TENM2: variants seen among roughly 807,000 people sequenced by gnomAD.
The protein encoded by TENM2 is teneurin-2.
In TENM2, 52 loss-of-function variants were observed where a neutral mutation model predicts 245.2. The observed-to-expected ratio is 0.21, with a 90% CI of 0.17 to 0.27. The LOEUF is 0.27. Among genes scored for constraint, TENM2 ranks in the 10% least tolerant of loss-of-function variants. TENM2 has a pLI of 1.00. For synonymous variants in TENM2, 1,363 were observed against 1,438.9 expected (o/e 0.95, Z 1.19); for missense variants, 3,046 against 3,666.8 (o/e 0.83, Z 4.37).
At chr5:168,115,150 CG>C (rs2152325629) in intron 9 of TENM2, among the ~76,000 whole-genome samples, 1 of 152,020 alleles carries the variant, frequency 6.6e-6, no homozygotes, top group East Asian at 1.9e-4. Context: ...AAAAATTAGC[CG>C]GGCATGGTAG....
At chr5:167,287,068 G>T (rs1261915704) in intron 1 of TENM2, among the ~76,000 whole-genome samples, 1 of 152,192 alleles carries the variant, frequency 6.6e-6, no homozygotes, top group South Asian at 2.1e-4. Context: ...AGCATCAGAA[G>T]GTATTTGCAT....
At chr5:167,736,306 G>A (rs993443396) in intron 2 of TENM2, among the ~76,000 whole-genome samples, 7 of 152,086 alleles carry the variant, frequency 4.6e-5, no homozygotes, top group African/African-American at 1.2e-4. Context: ...CCCATGACAC[G>A]TGAGGATTAT....
chr5:167,068,951 C>T, the TENM2 span, among the ~76,000 whole-genome samples: 2 of 152,254 alleles, frequency 1.3e-5, no homozygotes, highest in East Asian at 3.9e-4. Flanking sequence ...TGCAAAATAG[C>T]TTGAGTATTC....
At chr5:167,816,878 A>G (rs1767100469) in intron 2 of TENM2, among the ~76,000 whole-genome samples, 1 of 152,196 alleles carries the variant, frequency 6.6e-6, no homozygotes, top group Non-Finnish European at 1.5e-5. Context: ...TGGCTCTACC[A>G]TTAGTATGTA....
At chr5:167,489,817 T>C (rs1197719329) in intron 2 of TENM2, among the ~76,000 whole-genome samples, 1 of 152,210 alleles carries the variant, frequency 6.6e-6, no homozygotes, top group Non-Finnish European at 1.5e-5. Flanking sequence ...TTTTACAACT[T>C]AGTAATACCT....
At chr5:167,895,963 A>C (rs1775184199) in intron 3 of TENM2, among the ~76,000 whole-genome samples, 1 of 152,270 alleles carries the variant, frequency 6.6e-6, no homozygotes, top group Non-Finnish European at 1.5e-5. Context: ...AGGAAATCTG[A>C]GATAACTAAG....
intron 12 of TENM2, among the ~76,000 whole-genome samples, chr5:168,140,328 A>T (rs1755431027): frequency 6.6e-6 from 1 of 152,150 alleles, no homozygotes; most frequent in African/African-American, 2.4e-5. Flanking sequence ...AGGTGGACTC[A>T]TTGGCTTAAA....
At chr5:167,433,738 T>G (rs1271170942) in intron 2 of TENM2, among the ~76,000 whole-genome samples, 2 of 152,048 alleles carry the variant, frequency 1.3e-5, no homozygotes, top group Non-Finnish European at 2.9e-5. Flanking sequence ...GTATAAATAT[T>G]TACATAATTC....
intron 2 of TENM2, among the ~76,000 whole-genome samples, chr5:167,647,558 G>GT (rs1780044098): frequency 1.3e-5 from 2 of 152,112 alleles, no homozygotes; most frequent in Non-Finnish European, 2.9e-5. Context: ...GGGAGGCAGA[G>GT]GTTGCAGTGA....
At chr5:167,021,276 T>A in the TENM2 span, among the ~76,000 whole-genome samples, 1 of 152,234 alleles carries the variant, frequency 6.6e-6, no homozygotes, top group Non-Finnish European at 1.5e-5. Flanking sequence ...AAAAAATGAC[T>A]TTCTTTGATT....
At chr5:167,893,814 T>A (rs960116584) in intron 3 of TENM2, among the ~76,000 whole-genome samples, 2 of 152,110 alleles carry the variant, frequency 1.3e-5, no homozygotes, top group Non-Finnish European at 2.9e-5. Flanking sequence ...AGGAACTAAG[T>A]TTGGTGTGTC....
intron 2 of TENM2, among the ~76,000 whole-genome samples, chr5:167,550,574 C>G (rs570893361): frequency 6.6e-6 from 1 of 152,100 alleles, no homozygotes; most frequent in Non-Finnish European, 1.5e-5. Flanking sequence ...TGATCTGTGG[C>G]CTGGCAGTAT....
the TENM2 span, among the ~76,000 whole-genome samples, chr5:167,039,990 A>G: frequency 6.6e-6 from 1 of 152,220 alleles, no homozygotes; most frequent in Non-Finnish European, 1.5e-5. Flanking sequence ...TGGTATTTAC[A>G]ATAGGCTTGT....
chr5:168,115,358 AG>A (rs752863288), intron 9 of TENM2, among the ~76,000 whole-genome samples: 48 of 82,342 alleles, frequency 5.8e-4, no homozygotes, highest in African/African-American at 2.0e-3. Context: ...GAGGGAAGGA[AG>A]GGAAGGAAGG....
chr5:167,265,776 C>T, the TENM2 span, among the ~76,000 whole-genome samples: 4 of 152,070 alleles, frequency 2.6e-5, no homozygotes, highest in Admixed American at 6.6e-5. Context: ...TTTCCAAGCA[C>T]ACATGTTACG....
At position 167,337,226 on chromosome 5, in the gene TENM2, A is replaced by G. The variant is rs78940414; in HGVS notation, c.227-37972A>G. On this transcript the variant is annotated intron_variant, in intron 1 of 28. Transcript: ENST00000518659. ...ACTCAATTTGTAGTGTACGTAAGAC[A>G]TACAGCAGGGACAAGAAAAATGAAA... 7.3e-3 allele frequency among the ~76,000 whole-genome samples: 1,107 copies of G among 152,108 alleles called. 13 individuals carry two copies. Among genetic ancestry groups the G allele is most frequent in the African/African-American group, 0.025 (1,058 of 41,514 alleles).
At chr5:167,872,548 G>GAAAGAAAGAA (rs1313191288) in intron 2 of TENM2, among the ~76,000 whole-genome samples, 47 of 65,394 alleles carry the variant, frequency 7.2e-4, no homozygotes, top group African/African-American at 1.1e-3. Context: ...AAGAAAGAAA[G>GAAAGAAAGAA]AGAAAGAAAG....
At chr5:167,509,317 A>G (rs111683573) in intron 2 of TENM2, among the ~76,000 whole-genome samples, 3,104 of 152,318 alleles carry the variant, frequency 0.02, 48 homozygotes, top group South Asian at 0.042. Flanking sequence ...TTTCCCCTTG[A>G]GTCACTGTTG....
At chr5:168,013,603 CAACAAAACAAAACAA>C (rs10632619) in intron 5 of TENM2, among the ~76,000 whole-genome samples, 14 of 149,810 alleles carry the variant, frequency 9.3e-5, no homozygotes, top group African/African-American at 3.4e-4. Flanking sequence ...GACTCTGTCT[CAACAAAACAAAACAA>C]AACAAAACAA....
Sources: gnomAD v4.1 joint callset for allele counts (sites outside exome capture counted in the v4.1 genomes callset) on GRCh38, gnomAD v4.1.1 for gene constraint, MANE v1.5 for transcripts, NCBI Gene and HGNC (gene_info 2026-07-23, HGNC 2026-07-21) for gene names.